RPL3: variants seen among roughly 807,000 people sequenced by gnomAD.
The protein encoded by RPL3 is ribosomal protein L3.
A neutral mutation model predicts 46.0 loss-of-function variants in RPL3; 3 were observed. The observed-to-expected ratio is 0.07, with a 90% CI of 0.03 to 0.17. The LOEUF is 0.17. Among genes scored for constraint, RPL3 ranks in the 10% least tolerant of loss-of-function variants. The pLI is 1.00. For synonymous variants in RPL3, 224 were observed against 190.8 expected (o/e 1.17, Z -1.43); for missense variants, 387 against 532.7 (o/e 0.73, Z 2.69).
chr22:39,315,536 C>T lies in RPL3; in HGVS notation c.521G>A (p.Arg174His), dbSNP rs780201245. ...AHTQMRLLPL[R>H]QKKAHLMEIQ... ...CTCCATCAGGTGGGCCTTCTTCTGG[C>T]GCAGAGGAAGCAGGCGCATCTAGGA... Residue 174 changes from arginine (R) to histidine (H), a missense_variant, in exon 5 of 10, where the codon CGC becomes CAC. Arg to His is a conservative substitution (Grantham distance 29, BLOSUM62 0). Around this residue, in one of 5 missense-constraint regions of RPL3, gnomAD observed 196 missense variants for 217.5 expected, o/e 0.90. Coordinates refer to ENST00000216146, the MANE Select transcript of RPL3 (RefSeq NM_000967.4). 1.6e-5 allele frequency: 26 copies of T among 1,613,926 alleles called. No individual in the cohort carries two copies. Among genetic ancestry groups the T allele is most frequent in the African/African-American group, 1.1e-4 (8 of 74,924 alleles).
intron 3 of RPL3, 143 bp downstream of exon 3, chr22:39,317,318 G>A (rs1277602701): frequency 8.7e-6 from 8 of 919,842 alleles, no homozygotes; most frequent in Admixed American, 2.8e-5. Context: ...TCTGATCCCA[G>A]GTATTTTTCT....
chr22:39,316,600 G>T, intron 4 of RPL3, 106 bp downstream of exon 4: 3 of 1,451,310 alleles, frequency 2.1e-6, no homozygotes, highest in Non-Finnish European at 2.9e-6. Flanking sequence ...CCCTCTGCTG[G>T]CAAGGGAGAA....
At chr22:39,316,998 C>G in intron 3 of RPL3, 157 bp from the exon 4 acceptor site, 1 of 1,134,234 alleles carries the variant, frequency 8.8e-7, no homozygotes, top group Admixed American at 1.9e-5. Flanking sequence ...CTGGATGGAG[C>G]TCATCGGGCA....
chr22:39,314,088 C>T lies in RPL3; in HGVS notation c.951+19G>A. The T allele has an allele frequency of 6.2e-7, 1 of 1,604,202 alleles. No individual in the cohort carries two copies. The highest frequency in any genetic ancestry group is 8.5e-7 in the Non-Finnish European group (1 of 1,172,036). ...CGAGGCCTGGGATGGCCTCACAGAG[C>T]AGAACACCCATTACTTACCAGAGGG... is the stretch of plus-strand genomic sequence containing the variant. On this transcript the variant is annotated intron_variant, in intron 7 of 9. Coordinates refer to ENST00000216146, the MANE Select transcript of RPL3 (RefSeq NM_000967.4).
chr22:39,313,512 T>C (rs1482170952), intron 8 of RPL3, 122 bp downstream of exon 8: 2 of 1,242,860 alleles, frequency 1.6e-6, no homozygotes, highest in Non-Finnish European at 2.3e-6. Context: ...TCAAAGCCAG[T>C]GTGAAAGGAC....
chr22:39,316,953 GCTT>G, intron 3 of RPL3, 112 bp from the exon 4 acceptor site: 1 of 1,548,498 alleles, frequency 6.5e-7, no homozygotes, highest in Non-Finnish European at 8.9e-7. Flanking sequence ...CTCATTGCCG[GCTT>G]CTAAGGAGCC....
intron 9 of RPL3, 22 bp downstream of exon 9, chr22:39,313,167 AGG>A: frequency 6.2e-7 from 1 of 1,605,866 alleles, no homozygotes; most frequent in Non-Finnish European, 8.5e-7. Context: ...ACACCCAGCG[AGG>A]GGGGCAGGCA....
intron 2 of RPL3, 32 bp downstream of exon 2, chr22:39,318,368 A>T (rs1419929135): frequency 6.3e-7 from 1 of 1,599,900 alleles, no homozygotes; most frequent in East Asian, 2.3e-5. Flanking sequence ...CTCCACTCCT[A>T]TTCCCCCAAC....
intron 2 of RPL3, 120 bp from the exon 3 acceptor site, chr22:39,317,749 T>G: frequency 2.8e-6 from 3 of 1,075,562 alleles, no homozygotes; most frequent in Non-Finnish European, 4.1e-6. Context: ...ACACCTGCAG[T>G]ACGGACTCAC....
intron 9 of RPL3, 87 bp from the exon 10 acceptor site, chr22:39,313,071 G>A (rs1922457829): frequency 1.2e-6 from 2 of 1,607,424 alleles, no homozygotes; most frequent in Non-Finnish European, 1.7e-6. Context: ...CTCTGGGCCA[G>A]TCTCCACAGC....
rs372084505 is a variant in RPL3 at position 39,313,173 on chromosome 22, G to A, written c.1167+18C>T. 15 of 1,605,894 alleles carry A rather than the reference G, an allele frequency of 9.3e-6. No homozygotes were observed. Among genetic ancestry groups the A allele is most frequent in the South Asian group, 3.3e-5 (3 of 89,958 alleles). The stretch of plus-strand genomic sequence containing the variant: ...CAAGCCACCACACCCAGCGAGGGGG[G>A]CAGGCAGAGGTGCTCACCATGAATG... On this transcript the variant is annotated intron_variant, in intron 9 of 9. Transcript: ENST00000216146.
Position 39,312,904 on chromosome 22 carries a change from T to C in RPL3, c.*36A>G, listed in dbSNP as rs1714147571. On this transcript the variant is annotated 3_prime_UTR_variant, in exon 10 of 10. Transcript: ENST00000216146. ...AGATGTCAGTGGAAAATAACTTTTA[T>C]TGAGACCCCACCAACTGCAAAATCT... The C allele has an allele frequency of 1.1e-5, 18 of 1,613,346 alleles. No homozygotes were observed. Among genetic ancestry groups the C allele is most frequent in the Non-Finnish European group, 1.5e-5 (18 of 1,179,246 alleles).
At chr22:39,313,120 C>A in intron 9 of RPL3, 71 bp downstream of exon 9, 4 of 1,596,948 alleles carry the variant, frequency 2.5e-6, no homozygotes, top group East Asian at 4.5e-5. Context: ...ACCCCTACCC[C>A]GGCTGGAGCC....
chr22:39,318,445 C>T lies in RPL3; in HGVS notation c.151G>A (p.Ala51Thr), dbSNP rs1184536991. Reference protein sequence around the residue: ...VHLTAFLGYKAGMTHIVREVD... With the variant: ...VHLTAFLGYKTGMTHIVREVD... ...TCCCGCACGATGTGAGTCATGCCAG[C>T]CTTGTATCCCAGGAAGGCTGTGAGG... The change falls in exon 2 of 10, where the codon GCT becomes ACT. Residue 51 changes from alanine to threonine, a missense_variant. Transcript: ENST00000216146. 3 of 1,614,056 alleles carry T rather than the reference C, an allele frequency of 1.9e-6. No homozygotes were observed. Among genetic ancestry groups the T allele is most frequent in the Middle Eastern group, 1.7e-4 (1 of 6,060 alleles).
chr22:39,317,121 T>A, intron 3 of RPL3: 1 of 601,382 alleles, frequency 1.7e-6, no homozygotes. Flanking sequence ...CACTCAGTGA[T>A]GAAGGAAATG....
At position 39,317,647 on chromosome 22, in the gene RPL3, T is replaced by C. The variant is rs2146518396; in HGVS notation, c.197-18A>G. On this transcript the variant is annotated intron_variant, in intron 2 of 9. Transcript: ENST00000216146. ...GTTCACCTCTGCAAAAAAAAAGCAG[T>C]AGTCAGACTTGGCAGGAGCCCAAGC... 1.9e-6 allele frequency: 3 copies of C among 1,610,160 alleles called. No homozygotes were observed. The highest frequency in any genetic ancestry group is 2.7e-5 in the African/African-American group (2 of 74,792).
At chr22:39,318,872 G>A (rs1601632410) in intron 1 of RPL3, among the ~76,000 whole-genome samples, 1 of 152,068 alleles carries the variant, frequency 6.6e-6, no homozygotes, top group Admixed American at 6.6e-5. Flanking sequence ...CTAAGTAGTG[G>A]CACTAAAAAC....
At chr22:39,314,388 G>T in intron 6 of RPL3, 180 bp from the exon 7 acceptor site, 1 of 646,562 alleles carries the variant, frequency 1.5e-6, no homozygotes, top group Admixed American at 2.8e-5. Flanking sequence ...TAAGGCGGCT[G>T]GGCTAAAACT....
chr22:39,317,136 A>C (rs1018571020), intron 3 of RPL3: 45 of 585,644 alleles, frequency 7.7e-5, no homozygotes, highest in Non-Finnish European at 9.3e-6. Context: ...GAAATGGGAC[A>C]TTCCACCCAG....
Sources: gnomAD v4.1 joint callset for allele counts (sites outside exome capture counted in the v4.1 genomes callset) on GRCh38, gnomAD v4.1.1 for gene constraint, gnomAD v4.1.1 regional missense constraint, MANE v1.5 for transcripts, NCBI Gene and HGNC (gene_info 2026-07-23, HGNC 2026-07-21) for gene names.